TTLL5: variants seen among roughly 807,000 people sequenced by gnomAD.
TTLL5 encodes the protein tubulin tyrosine ligase like 5, also known as tubulin polyglutamylase TTLL5.
In TTLL5, 132 loss-of-function variants were observed where a neutral mutation model predicts 168.4. The observed-to-expected ratio is 0.78, with a 90% CI of 0.68 to 0.91. The LOEUF is 0.91. Among genes scored for constraint, TTLL5 ranks in the 40% least tolerant of loss-of-function variants. The pLI is 0.00. For synonymous variants in TTLL5, 546 were observed against 558.6 expected (o/e 0.98, Z 0.32); for missense variants, 1,545 against 1,581.5 (o/e 0.98, Z 0.39).
At chr14:75,881,156 C>T (rs972219327) in intron 29 of TTLL5, among the ~76,000 whole-genome samples, 1 of 152,168 alleles carries the variant, frequency 6.6e-6, no homozygotes, top group African/African-American at 2.4e-5. Context: ...TCAGGTGATC[C>T]ACATGTCTCA....
In TTLL5 at chr14:75,766,165, G is replaced by C; in HGVS notation, c.1812G>C (p.Gln604His). ...AAGATGAAGAACAGGAGGCTTCCCA[G>C]GAGGAGTCTGCAGGATTTCTTAGAG... is the stretch of plus-strand genomic sequence containing the variant. ...DNEDEEQEAS[Q>H]EESAGFLREN... is the part of the protein sequence containing the mutation. The change falls in exon 20 of 32, where the codon CAG (glutamine) becomes CAC (histidine). Residue 604 changes from glutamine to histidine, a missense_variant. Coordinates refer to ENST00000298832, the MANE Select transcript of TTLL5 (RefSeq NM_015072.5). The C allele has an allele frequency of 6.2e-7, 1 of 1,614,008 alleles. No homozygotes were observed.
At chr14:75,870,797 G>T (rs1446274283) in intron 29 of TTLL5, among the ~76,000 whole-genome samples, 10 of 138,972 alleles carry the variant, frequency 7.2e-5, no homozygotes, top group East Asian at 2.1e-4. Flanking sequence ...GCTTGCTTTG[G>T]TTTTTTTTTT....
intron 17 of TTLL5, among the ~76,000 whole-genome samples, chr14:75,747,887 C>A (rs1041524354): frequency 1.3e-5 from 2 of 152,198 alleles, no homozygotes; most frequent in Non-Finnish European, 2.9e-5. Context: ...CCCAAACATT[C>A]AAGGGGTCCC....
chr14:75,763,695 G>A (rs1890801116), intron 18 of TTLL5, among the ~76,000 whole-genome samples: 1 of 152,178 alleles, frequency 6.6e-6, no homozygotes. Flanking sequence ...TCTCTTTGGT[G>A]ACTTGGTTAT....
chr14:75,776,806 T>A lies in TTLL5; in HGVS notation c.2343T>A (p.Asp781Glu), dbSNP rs1891747472. Residue 781 changes from aspartate (D) to glutamate (E), a missense_variant, in exon 23 of 32, where the codon GAT (aspartate) becomes GAA (glutamate). Transcript: ENST00000298832. ...SKKKVEEEEE[D>E]GVNMENFQEF... ...AGAAAGTTGAGGAAGAAGAGGAAGATGGGGTGAATATGGAAAACTTTCAGG... is the reference window on the plus strand; with the variant it reads ...AGAAAGTTGAGGAAGAAGAGGAAGAAGGGGTGAATATGGAAAACTTTCAGG... The A allele has an allele frequency of 6.2e-7, 1 of 1,613,852 alleles. No homozygotes were observed. Among genetic ancestry groups the A allele is most frequent in the Non-Finnish European group, 8.5e-7 (1 of 1,179,912 alleles).
rs2303345 is a variant in TTLL5 at position 75,690,266 on chromosome 14, C to T, written c.446C>T (p.Ala149Val). The change falls in exon 6 of 32, where the codon GCT becomes GTT. Residue 149 changes from alanine (A) to valine (V), a missense_variant. By Grantham distance (64) the Ala-to-Val change is moderately conservative. Transcript: ENST00000298832. ...IRMQHTHGFK[A>V]FHILPQTFLL... ...ATGCAGCATACACATGGATTCAAGG[C>T]TTTTCACATCCTCCCCCAGACCTTC... is the stretch of plus-strand genomic sequence containing the variant. 0.61 allele frequency: 983,770 copies of T among 1,610,782 alleles called. 314,499 individuals are homozygous for T. The highest frequency in any genetic ancestry group is 0.65 in the Non-Finnish European group (771,919 of 1,178,622).
chr14:75,832,247 G>A (rs542778637), intron 28 of TTLL5, among the ~76,000 whole-genome samples: 1 of 152,318 alleles, frequency 6.6e-6, no homozygotes, highest in Admixed American at 6.5e-5. Flanking sequence ...TGGAGGAGAA[G>A]GGCTGGGGAG....
intron 13 of TTLL5, among the ~76,000 whole-genome samples, chr14:75,733,005 C>A (rs553708306): frequency 2.0e-5 from 3 of 152,198 alleles, no homozygotes; most frequent in Non-Finnish European, 4.4e-5. Context: ...AATTTCTGTT[C>A]GCTGTACACT....
chr14:75,734,231 C>G (rs954832606), intron 14 of TTLL5, among the ~76,000 whole-genome samples, 181 bp downstream of exon 14: 1 of 152,200 alleles, frequency 6.6e-6, no homozygotes, highest in Non-Finnish European at 1.5e-5. Flanking sequence ...CCATCCTGTC[C>G]TGAGGCTGAA....
intron 12 of TTLL5, among the ~76,000 whole-genome samples, chr14:75,731,683 C>G (rs907689530): frequency 1.3e-5 from 2 of 152,180 alleles, no homozygotes; most frequent in African/African-American, 2.4e-5. Context: ...CACACCTGTG[C>G]TCTGCTACCA....
chr14:75,934,911 G>T (rs540597512), intron 31 of TTLL5, among the ~76,000 whole-genome samples: 3 of 152,166 alleles, frequency 2.0e-5, no homozygotes, highest in Non-Finnish European at 2.9e-5. Flanking sequence ...AAGAACATCC[G>T]GTGAAGAGTA....
intron 5 of TTLL5, chr14:75,684,464 A>C (rs985697861): frequency 6.6e-6 from 1 of 152,190 alleles, no homozygotes; most frequent in African/African-American, 2.4e-5. Flanking sequence ...CTTTGTTTTT[A>C]AAATAATTGA....
chr14:75,841,491 C>G (rs1033025174), intron 28 of TTLL5, among the ~76,000 whole-genome samples: 42 of 152,156 alleles, frequency 2.8e-4, no homozygotes, highest in Non-Finnish European at 1.8e-4. Flanking sequence ...ATTATTTCTT[C>G]TTTCCTATTT....
intron 30 of TTLL5, among the ~76,000 whole-genome samples, chr14:75,884,883 C>A (rs866718959): frequency 4.7e-5 from 7 of 148,940 alleles, no homozygotes; most frequent in African/African-American, 9.9e-5. Flanking sequence ...AAAAAAAAAA[C>A]AACTGGGCCA....
intron 28 of TTLL5, among the ~76,000 whole-genome samples, chr14:75,824,633 G>A (rs1473323956): frequency 1.3e-5 from 2 of 151,968 alleles, no homozygotes; most frequent in African/African-American, 4.8e-5. Context: ...AGATGAAAAT[G>A]TTCTAGAAAT....
chr14:75,713,239 A>G (rs910054000), intron 9 of TTLL5, among the ~76,000 whole-genome samples: 1 of 152,256 alleles, frequency 6.6e-6, no homozygotes, highest in Non-Finnish European at 1.5e-5. Context: ...GCCTAGTGAC[A>G]TTGTAACATC....
chr14:75,812,262 G>A (rs1894089991), intron 27 of TTLL5, among the ~76,000 whole-genome samples: 1 of 152,122 alleles, frequency 6.6e-6, no homozygotes, highest in African/African-American at 2.4e-5. Flanking sequence ...AGAGCAAGGG[G>A]TGAAACATCT....
intron 27 of TTLL5, among the ~76,000 whole-genome samples, chr14:75,810,018 T>G (rs905535260): frequency 2.0e-5 from 3 of 152,122 alleles, no homozygotes; most frequent in African/African-American, 7.2e-5. Flanking sequence ...GATCATATGG[T>G]TGTTGTATTT....
chr14:75,709,262 A>T (rs1886878452), intron 9 of TTLL5: 1 of 750,656 alleles, frequency 1.3e-6, no homozygotes, highest in African/African-American at 1.7e-5. Context: ...ATATTATTGT[A>T]CTCTGACAAC....
Sources: allele counts gnomAD v4.1 joint callset (sites outside exome capture counted in the v4.1 genomes callset), GRCh38; gene constraint gnomAD v4.1.1; transcripts MANE v1.5; gene names NCBI Gene and HGNC (gene_info 2026-07-23, HGNC 2026-07-21).